Variants in PELI2 observed in about 807,000 individuals in gnomAD.
PELI2 encodes E3 ubiquitin-protein ligase pellino homolog 2.
PELI2 carries 23 observed loss-of-function variants against 42.3 expected under a neutral mutation model. The observed-to-expected ratio is 0.54, with a 90% CI of 0.39 to 0.77. The LOEUF (loss-of-function observed/expected upper bound fraction) is 0.77, where lower values mean the gene tolerates loss of function less well. Among genes scored for constraint, PELI2 ranks in the 30% least tolerant of loss-of-function variants. PELI2 has a pLI of 0.00. For missense variants in PELI2, 463 were observed against 553.2 expected (o/e 0.84, Z 1.64); for synonymous variants, 245 against 212.2 (o/e 1.15, Z -1.34).
chr14:56,176,932 A>T (rs1238749982), intron 1 of PELI2, among the ~76,000 whole-genome samples: 2 of 152,258 alleles, frequency 1.3e-5, no homozygotes, highest in Non-Finnish European at 2.9e-5. Flanking sequence ...ATGGAAATAT[A>T]TTAAAACAAA....
chr14:56,264,181 C>T (rs1888819805), intron 2 of PELI2, among the ~76,000 whole-genome samples: 1 of 152,180 alleles, frequency 6.6e-6, no homozygotes, highest in Non-Finnish European at 1.5e-5. Context: ...TGCTTCAGTT[C>T]TCATACTGTC....
intron 3 of PELI2, among the ~76,000 whole-genome samples, chr14:56,280,220 TAAG>T (rs1762232889): frequency 6.6e-6 from 1 of 152,064 alleles, no homozygotes; most frequent in Admixed American, 6.6e-5. Flanking sequence ...CTTTCATTAT[TAAG>T]AGGAGGGAAA....
At chr14:56,189,071 A>C (rs1009479350) in intron 2 of PELI2, among the ~76,000 whole-genome samples, 1 of 152,166 alleles carries the variant, frequency 6.6e-6, no homozygotes, top group African/African-American at 2.4e-5. Flanking sequence ...GAGACAGGAG[A>C]CAGCTTGATC....
At chr14:56,136,175 A>T (rs973654150) in intron 1 of PELI2, among the ~76,000 whole-genome samples, 1 of 152,194 alleles carries the variant, frequency 6.6e-6, no homozygotes, top group African/African-American at 2.4e-5. Context: ...GATTGTAGGG[A>T]AGGCATTTCT....
At chr14:56,251,941 A>C (rs939852820) in intron 2 of PELI2, among the ~76,000 whole-genome samples, 3 of 152,202 alleles carry the variant, frequency 2.0e-5, no homozygotes, top group African/African-American at 7.2e-5. Context: ...ATACACCGTA[A>C]TTCTTTTTTT....
At chr14:56,220,403 T>C (rs1363282046) in intron 2 of PELI2, among the ~76,000 whole-genome samples, 1 of 152,196 alleles carries the variant, frequency 6.6e-6, no homozygotes, top group Admixed American at 6.5e-5. Flanking sequence ...AACATAGTTA[T>C]AAAACACAGC....
chr14:56,262,328 A>G (rs564788353), intron 2 of PELI2, among the ~76,000 whole-genome samples: 8 of 152,312 alleles, frequency 5.3e-5, no homozygotes, highest in African/African-American at 1.7e-4. Context: ...TTAATCAATA[A>G]TAATAGTCAT....
intron 1 of PELI2, among the ~76,000 whole-genome samples, chr14:56,169,968 G>C (rs2139653673): frequency 6.6e-6 from 1 of 152,306 alleles, no homozygotes; most frequent in Middle Eastern, 3.4e-3. Context: ...AACGCGGTTG[G>C]AATAGTGCAT....
rs1302410740 is a variant in PELI2 at position 56,128,491 on chromosome 14, C to T, written c.77+9754C>T. On this transcript the variant is annotated intron_variant, in intron 1 of 5. Transcript: ENST00000267460. ...AAGGTAGGTCCTTGTGGCTCTCTTG[C>T]TTGATTATTTCCACCAGGGTGAAGG... Among the ~76,000 whole-genome samples the T allele has an allele frequency of 2.6e-5, 4 of 152,138 alleles. No individual in the cohort carries two copies. The South Asian group carries it at 8.3e-4, about 31-fold the overall frequency.
chr14:56,158,217 G>A (rs1407188321), intron 1 of PELI2, among the ~76,000 whole-genome samples: 2 of 151,864 alleles, frequency 1.3e-5, no homozygotes, highest in East Asian at 1.9e-4. Context: ...TAGTAGAGAC[G>A]GGGTTTCATG....
At chr14:56,185,174 G>C (rs1162799958) in intron 2 of PELI2, among the ~76,000 whole-genome samples, 1 of 152,042 alleles carries the variant, frequency 6.6e-6, no homozygotes, top group Admixed American at 6.5e-5. Flanking sequence ...GTGAGTTTTA[G>C]ATCAAGAATT....
chr14:56,165,736 T>C (rs893005886), intron 1 of PELI2, among the ~76,000 whole-genome samples: 10 of 152,154 alleles, frequency 6.6e-5, no homozygotes, highest in Non-Finnish European at 1.2e-4. Flanking sequence ...CTAAAGGGGC[T>C]GAGTTGGCCC....
chr14:56,257,749 C>A (rs1033531744), intron 2 of PELI2, among the ~76,000 whole-genome samples: 5 of 152,112 alleles, frequency 3.3e-5, no homozygotes, highest in Non-Finnish European at 7.4e-5. Flanking sequence ...GAGGTGAGCC[C>A]CAGCTTACTG....
At position 56,207,117 on chromosome 14, in the gene PELI2, T is replaced by G. The variant is rs565938991; in HGVS notation, c.207+28653T>G. Among the ~76,000 whole-genome samples the G allele has an allele frequency of 1.5e-3, 229 of 152,314 alleles. 1 individual carries two copies. The highest frequency in any genetic ancestry group is 5.4e-3 in the African/African-American group (224 of 41,572). On this transcript the variant is annotated intron_variant, in intron 2 of 5. Coordinates refer to ENST00000267460, the MANE Select transcript of PELI2 (RefSeq NM_021255.3). ...ATACGACTTTAAGATTCATGAATGGTATCTTTTCTCCTCACCCTTAGACAC... is the reference window on the plus strand; with the variant it reads ...ATACGACTTTAAGATTCATGAATGGGATCTTTTCTCCTCACCCTTAGACAC...
intron 2 of PELI2, among the ~76,000 whole-genome samples, chr14:56,201,078 C>G (rs1886315719): frequency 1.3e-5 from 2 of 152,118 alleles, no homozygotes; most frequent in African/African-American, 4.8e-5. Context: ...GAGCACTGGC[C>G]TGTGCATTTG....
In PELI2 at chr14:56,228,815, G is replaced by A. The variant is rs1377473368; in HGVS notation, c.207+50351G>A. Among the ~76,000 whole-genome samples the A allele has an allele frequency of 3.9e-5, 6 of 152,350 alleles. No homozygotes were observed. In the East Asian group the frequency reaches 1.2e-3, roughly 29 times the overall value. ...CAGGGTGGGGTATCCCCTCACCTGG[G>A]AAGCGCAAGAGATCAGGGAATTCCC... On this transcript the variant is annotated intron_variant, in intron 2 of 5. Coordinates refer to ENST00000267460, the MANE Select transcript of PELI2 (RefSeq NM_021255.3).
rs376435746 is a variant in PELI2 at position 56,118,744 on chromosome 14, C to T, written c.77+7C>T. ...GGGAGCTGGTGGTGCTCGGGTGAGT[C>T]CTGGGGTCCCTGGTCCCGGGCAGCG... is the stretch of plus-strand genomic sequence containing the variant. On this transcript the variant is annotated splice_region_variant and intron_variant, in intron 1 of 5. Coordinates refer to ENST00000267460, the MANE Select transcript of PELI2 (RefSeq NM_021255.3). The T allele has an allele frequency of 6.9e-4, 1,032 of 1,488,208 alleles. 2 individuals are homozygous for T. The highest frequency in any genetic ancestry group is 9.0e-4 in the Non-Finnish European group (996 of 1,111,716). The allele number at this position is 1,488,208 out of a possible 1,614,324, so 92.2% of individuals were successfully genotyped here. A position where few individuals can be genotyped will look rare whatever the true frequency, so the allele number is the denominator to read the frequency against.
intron 2 of PELI2, among the ~76,000 whole-genome samples, chr14:56,218,407 A>G (rs1886989709): frequency 6.6e-6 from 1 of 152,204 alleles, no homozygotes; most frequent in Admixed American, 6.5e-5. Context: ...TTCCAGGTGG[A>G]TCTTCTGATA....
intron 2 of PELI2, among the ~76,000 whole-genome samples, chr14:56,206,615 C>T (rs758190891): frequency 6.6e-6 from 1 of 152,152 alleles, no homozygotes; most frequent in Non-Finnish European, 1.5e-5. Context: ...GAGTGGTTTC[C>T]CTTCAGATGT....
Sources: gnomAD v4.1 joint callset for allele counts (sites outside exome capture counted in the v4.1 genomes callset) on GRCh38, gnomAD v4.1.1 for gene constraint, MANE v1.5 for transcripts, NCBI Gene and HGNC (gene_info 2026-07-23, HGNC 2026-07-21) for gene names.